The following LINGO2 variants were observed in gnomAD, a reference collection of about 807,000 sequenced individuals.
LINGO2 encodes the protein leucine rich repeat and Ig domain containing 2, also known as leucine-rich repeat and immunoglobulin-like domain-containing nogo receptor-interacting protein 2.
In LINGO2, 14 loss-of-function variants were observed where a neutral mutation model predicts 30.6. The observed-to-expected ratio is 0.46, with a 90% CI of 0.30 to 0.72. The LOEUF is 0.72. Ranked by LOEUF, LINGO2 falls within the 30% of genes least tolerant of loss-of-function variation. The pLI is 0.07. For synonymous variants in LINGO2, 317 were observed against 288.5 expected (o/e 1.10, Z -1.00); for missense variants, 729 against 751.7 (o/e 0.97, Z 0.35).
intron 1 of LINGO2, among the ~76,000 whole-genome samples, chr9:28,560,985 T>C (rs748659186): frequency 1.7e-4 from 26 of 152,040 alleles, no homozygotes; most frequent in Non-Finnish European, 3.2e-4. Context: ...TCATTCTTCT[T>C]CTTAAACATA....
intron 5 of LINGO2, among the ~76,000 whole-genome samples, chr9:27,969,446 A>T (rs1039537023): frequency 5.3e-5 from 8 of 152,178 alleles, no homozygotes; most frequent in Non-Finnish European, 4.4e-5. Context: ...GGGCTACTAA[A>T]TATCTTTCTA....
intron 5 of LINGO2, among the ~76,000 whole-genome samples, chr9:28,006,539 G>T (rs935954993): frequency 6.6e-6 from 1 of 152,086 alleles, no homozygotes; most frequent in Non-Finnish European, 1.5e-5. Flanking sequence ...CAACTCCAGG[G>T]ACACAGAATT....
intron 3 of LINGO2, among the ~76,000 whole-genome samples, chr9:28,348,514 G>C (rs1216789948): frequency 6.6e-6 from 1 of 152,134 alleles, no homozygotes; most frequent in Non-Finnish European, 1.5e-5. Context: ...ACAGAGTCTC[G>C]CTGATTGCTA....
the LINGO2 span, among the ~76,000 whole-genome samples, chr9:28,908,686 A>G: frequency 1.5e-3 from 232 of 152,036 alleles, no homozygotes; most frequent in African/African-American, 5.3e-3. Context: ...AATATTCACA[A>G]TCTATTTTAT....
intron 1 of LINGO2, among the ~76,000 whole-genome samples, chr9:28,642,529 T>C (rs926934461): frequency 2.0e-5 from 3 of 152,150 alleles, no homozygotes; most frequent in African/African-American, 4.8e-5. Context: ...ATTTAGATAA[T>C]GATTAAAGCA....
At chr9:28,829,352 A>G in the LINGO2 span, among the ~76,000 whole-genome samples, 1 of 152,190 alleles carries the variant, frequency 6.6e-6, no homozygotes, top group East Asian at 1.9e-4. Flanking sequence ...TTCCTGGACA[A>G]CGGACAAGAA....
At chr9:28,807,413 G>A in the LINGO2 span, among the ~76,000 whole-genome samples, 8 of 152,272 alleles carry the variant, frequency 5.3e-5, no homozygotes, top group South Asian at 6.2e-4. Context: ...AAGGGTTTAT[G>A]TAACTCAATA....
At chr9:29,015,140 A>G in the LINGO2 span, among the ~76,000 whole-genome samples, 1 of 152,216 alleles carries the variant, frequency 6.6e-6, no homozygotes, top group African/African-American at 2.4e-5. Flanking sequence ...TAGAAAATGG[A>G]GACTCAGAAG....
chr9:28,473,285 A>G (rs958629243), intron 2 of LINGO2, among the ~76,000 whole-genome samples: 1 of 151,996 alleles, frequency 6.6e-6, no homozygotes, highest in African/African-American at 2.4e-5. Flanking sequence ...CCAAATTCCA[A>G]TGAGTAGCAG....
the LINGO2 span, among the ~76,000 whole-genome samples, chr9:28,983,020 A>G: frequency 2.0e-5 from 3 of 151,892 alleles, no homozygotes; most frequent in African/African-American, 7.2e-5. Flanking sequence ...CCAATATTTT[A>G]TAATTGTAGG....
the LINGO2 span, among the ~76,000 whole-genome samples, chr9:28,901,195 A>G: frequency 3.3e-5 from 5 of 152,168 alleles, no homozygotes; most frequent in Non-Finnish European, 7.4e-5. Flanking sequence ...AAACTCCATT[A>G]AAGAATAACA....
In LINGO2 at chr9:27,967,318, T is replaced by C. The variant is rs144701644; in HGVS notation, c.-35-16612A>G. ...CTAGGTCTTTGAAGTCCTTTCCATT[T>C]GACATGAAAAAAGATGAAGAGGATC... On this transcript the variant is annotated intron_variant, in intron 5 of 5. Transcript: ENST00000379992. 2.6e-3 allele frequency among the ~76,000 whole-genome samples: 397 copies of C among 152,256 alleles called. 2 individuals carry two copies. The highest frequency in any genetic ancestry group is 9.2e-3 in the African/African-American group (382 of 41,568).
At chr9:28,531,419 A>G (rs1821233366) in intron 1 of LINGO2, among the ~76,000 whole-genome samples, 2 of 151,926 alleles carry the variant, frequency 1.3e-5, no homozygotes, top group Non-Finnish European at 2.9e-5. Context: ...CATTTTTTCA[A>G]TTTTCCAAAC....
intron 4 of LINGO2, among the ~76,000 whole-genome samples, chr9:28,015,127 G>A (rs954942695): frequency 9.9e-5 from 15 of 152,066 alleles, no homozygotes; most frequent in South Asian, 4.1e-4. Flanking sequence ...AATCGTCCAC[G>A]CTACTCAGTC....
chr9:28,831,472 T>C, the LINGO2 span, among the ~76,000 whole-genome samples: 37 of 152,156 alleles, frequency 2.4e-4, no homozygotes, highest in Middle Eastern at 0.01. Context: ...CACCGAGTAA[T>C]TGAGGAGTGA....
intron 4 of LINGO2, among the ~76,000 whole-genome samples, chr9:28,128,883 A>T (rs957734312): frequency 6.6e-6 from 1 of 152,126 alleles, no homozygotes; most frequent in African/African-American, 2.4e-5. Flanking sequence ...GAGTCAGTGG[A>T]CTGGGAAAGG....
chr9:27,966,783 G>A (rs752975494), intron 5 of LINGO2, among the ~76,000 whole-genome samples: 1 of 152,052 alleles, frequency 6.6e-6, no homozygotes, highest in African/African-American at 2.4e-5. Flanking sequence ...TTGGGTCAAA[G>A]AAAGTTTGGC....
chr9:28,560,218 G>T (rs1347181082), intron 1 of LINGO2, among the ~76,000 whole-genome samples: 1 of 152,056 alleles, frequency 6.6e-6, no homozygotes, highest in Admixed American at 6.6e-5. Context: ...AGATAATCTG[G>T]CTAAGCATTA....
chr9:28,037,070 A>C (rs188165703), intron 4 of LINGO2, among the ~76,000 whole-genome samples: 5 of 152,288 alleles, frequency 3.3e-5, no homozygotes, highest in Admixed American at 6.5e-5. Flanking sequence ...CTTATTGTGG[A>C]TGAATTCCTA....
Sources: gnomAD v4.1 joint callset for allele counts (sites outside exome capture counted in the v4.1 genomes callset) on GRCh38, gnomAD v4.1.1 for gene constraint, MANE v1.5 for transcripts, NCBI Gene and HGNC (gene_info 2026-07-23, HGNC 2026-07-21) for gene names.